Variants in COA1 observed in about 807,000 individuals in gnomAD.
COA1 encodes the protein cytochrome c oxidase assembly factor 1, also known as cytochrome c oxidase assembly factor 1 homolog.
Under a neutral mutation model 16.0 loss-of-function variants are expected in COA1, and 13 were observed. The ratio of observed to expected loss-of-function variants is 0.81; its 90% CI spans 0.53 to 1.29. The LOEUF (loss-of-function observed/expected upper bound fraction) is 1.29, where lower values mean the gene tolerates loss of function less well. Among genes scored for constraint, COA1 ranks in the 50% most tolerant of loss-of-function variants. The pLI is 0.00. For missense variants in COA1, 179 were observed against 177.0 expected, an observed-to-expected ratio of 1.01 and a Z score of -0.06; for synonymous variants, 65 against 65.7, an observed-to-expected ratio of 0.99 and a Z score of 0.05.
At chr7:43,614,661 A>T (rs2152990737) in intron 6 of COA1, among the ~76,000 whole-genome samples, 1 of 152,362 alleles carries the variant, frequency 6.6e-6, no homozygotes, top group Non-Finnish European at 1.5e-5. Context: ...CTGAAATCCC[A>T]TGAAATAGCT....
chr7:43,679,601 T>G (rs1417937150), intron 1 of COA1, among the ~76,000 whole-genome samples: 1 of 152,204 alleles, frequency 6.6e-6, no homozygotes, highest in Non-Finnish European at 1.5e-5. Flanking sequence ...AACTTCAAAC[T>G]TGGGTCTGTA....
chr7:43,658,503 C>T (rs1197155615), intron 1 of COA1, among the ~76,000 whole-genome samples: 1 of 152,058 alleles, frequency 6.6e-6, no homozygotes, highest in Non-Finnish European at 1.5e-5. Flanking sequence ...TTATAAAACC[C>T]AAATAATGAA....
intron 1 of COA1, chr7:43,658,981 A>C (rs1180001956): frequency 6.6e-6 from 1 of 152,328 alleles, no homozygotes; most frequent in Non-Finnish European, 1.5e-5. Context: ...ATTTTACTCA[A>C]AGTGTAAGAG....
chr7:43,702,792 T>C (rs1444492194), intron 1 of COA1, among the ~76,000 whole-genome samples: 1 of 152,172 alleles, frequency 6.6e-6, no homozygotes, highest in Non-Finnish European at 1.5e-5. Context: ...ATTTATTCTT[T>C]CAAAGAACCA....
chr7:43,697,046 C>A (rs977604041), intron 1 of COA1, among the ~76,000 whole-genome samples: 2 of 151,568 alleles, frequency 1.3e-5, no homozygotes, highest in African/African-American at 4.8e-5. Context: ...ATCGCTTGAA[C>A]CCAGGAGACA....
intron 1 of COA1, among the ~76,000 whole-genome samples, chr7:43,724,554 GAA>G (rs75901570): frequency 7.9e-6 from 1 of 126,508 alleles, no homozygotes; most frequent in Non-Finnish European, 1.7e-5. Context: ...CCATCTCAAA[GAA>G]AAAAAAAAAA....
chr7:43,654,394 T>C (rs182728287), intron 1 of COA1, among the ~76,000 whole-genome samples: 62 of 152,318 alleles, frequency 4.1e-4, no homozygotes, highest in African/African-American at 1.5e-3. Context: ...AATATCACTT[T>C]GGGTACTTAA....
intron 1 of COA1, among the ~76,000 whole-genome samples, chr7:43,663,527 A>G (rs1419698918): frequency 6.6e-6 from 1 of 151,954 alleles, no homozygotes; most frequent in Non-Finnish European, 1.5e-5. Context: ...ACAAAAACTT[A>G]CGGGCTCGTG....
chr7:43,715,097 G>C (rs1290072290), intron 1 of COA1, among the ~76,000 whole-genome samples: 3 of 149,462 alleles, frequency 2.0e-5, no homozygotes, highest in Non-Finnish European at 3.0e-5. Context: ...AGATAATACT[G>C]TATTTAGAAG....
At chr7:43,702,362 C>T (rs546352432) in intron 1 of COA1, among the ~76,000 whole-genome samples, 1 of 152,080 alleles carries the variant, frequency 6.6e-6, no homozygotes, top group Non-Finnish European at 1.5e-5. Context: ...CTCTTTTCCC[C>T]ATTGCTTACT....
intron 1 of COA1, chr7:43,656,224 C>T (rs2091684266): frequency 6.6e-6 from 1 of 152,204 alleles, no homozygotes; most frequent in Non-Finnish European, 1.5e-5. Context: ...GTTTGTTATG[C>T]AGCCATTGAA....
intron 4 of COA1, among the ~76,000 whole-genome samples, chr7:43,644,762 G>GA (rs1563228848): frequency 0.022 from 1,782 of 79,648 alleles, 22 homozygotes; most frequent in Middle Eastern, 0.032. Context: ...AGATAGATAG[G>GA]CAGGCAGGCA....
At chr7:43,627,782 C>G (rs1372581240) in intron 6 of COA1, among the ~76,000 whole-genome samples, 1 of 152,122 alleles carries the variant, frequency 6.6e-6, no homozygotes, top group East Asian at 1.9e-4. Context: ...AGATCTAAAT[C>G]CATACAGTCT....
intron 1 of COA1, among the ~76,000 whole-genome samples, chr7:43,677,800 TAAAAAAAAAAA>T (rs11310207): frequency 1.7e-5 from 2 of 116,832 alleles, no homozygotes; most frequent in Non-Finnish European, 3.4e-5. Context: ...GGCTCTGTCT[TAAAAAAAAAAA>T]AAAAAAAAAA....
At chr7:43,672,377 A>G (rs1414199003) in intron 1 of COA1, among the ~76,000 whole-genome samples, 1 of 152,238 alleles carries the variant, frequency 6.6e-6, no homozygotes, top group Non-Finnish European at 1.5e-5. Flanking sequence ...ATGCAAATCA[A>G]TAAATGTGAT....
At chr7:43,712,880 T>C (rs1428995166) in intron 1 of COA1, among the ~76,000 whole-genome samples, 1 of 152,208 alleles carries the variant, frequency 6.6e-6, no homozygotes, top group Non-Finnish European at 1.5e-5. Context: ...TTTTTTTTTA[T>C]TGACACATTG....
chr7:43,677,701 A>C (rs2093595438), intron 1 of COA1, among the ~76,000 whole-genome samples: 1 of 150,720 alleles, frequency 6.6e-6, no homozygotes, highest in African/African-American at 2.4e-5. Flanking sequence ...CAGGAGGCTG[A>C]GGCAAGAGAA....
intron 1 of COA1, among the ~76,000 whole-genome samples, chr7:43,710,498 G>C (rs1158894947): frequency 6.7e-6 from 1 of 149,774 alleles, no homozygotes; most frequent in Non-Finnish European, 1.5e-5. Context: ...GAGCTACTAA[G>C]AAGATGAAAT....
At chr7:43,723,023 G>A (rs2095542290) in intron 1 of COA1, among the ~76,000 whole-genome samples, 1 of 152,148 alleles carries the variant, frequency 6.6e-6, no homozygotes, top group Non-Finnish European at 1.5e-5. Context: ...TAATATACTT[G>A]CTGTTAATAA....
Sources: allele counts gnomAD v4.1 joint callset (sites outside exome capture counted in the v4.1 genomes callset), GRCh38; gene constraint gnomAD v4.1.1; transcripts MANE v1.5; gene names NCBI Gene and HGNC (gene_info 2026-07-23, HGNC 2026-07-21).